SIPA1L1: variants seen among roughly 807,000 people sequenced by gnomAD.
SIPA1L1 encodes signal induced proliferation associated 1 like 1.
A neutral mutation model predicts 162.7 loss-of-function variants in SIPA1L1; 26 were observed. The ratio of observed to expected loss-of-function variants is 0.16; its 90% CI spans 0.12 to 0.22. SIPA1L1 has a LOEUF of 0.22. Among genes scored for constraint, SIPA1L1 ranks in the 10% least tolerant of loss-of-function variants. The pLI is 1.00. For missense variants in SIPA1L1, 1,874 were observed against 2,241.0 expected, an observed-to-expected ratio of 0.84 and a Z score of 3.31; for synonymous variants, 829 against 837.4, an observed-to-expected ratio of 0.99 and a Z score of 0.17.
At chr14:71,482,568 GA>G (rs2048432230) in intron 2 of SIPA1L1, among the ~76,000 whole-genome samples, 2 of 152,174 alleles carry the variant, frequency 1.3e-5, no homozygotes, top group African/African-American at 4.8e-5. Flanking sequence ...AAAGTGTGTG[GA>G]AACGCGCCTC....
intron 2 of SIPA1L1, among the ~76,000 whole-genome samples, chr14:71,357,943 G>A (rs1027747994): frequency 2.6e-5 from 4 of 152,160 alleles, no homozygotes; most frequent in African/African-American, 7.2e-5. Context: ...CATTGGCCAG[G>A]TTGGTCTCGA....
At chr14:71,432,454 G>A (rs1208016128) in intron 2 of SIPA1L1, among the ~76,000 whole-genome samples, 1 of 152,128 alleles carries the variant, frequency 6.6e-6, no homozygotes, top group African/African-American at 2.4e-5. Flanking sequence ...CTAGAATGGG[G>A]GCCTAACAAC....
At chr14:71,606,985 A>G (rs1359657982) in intron 5 of SIPA1L1, among the ~76,000 whole-genome samples, 1 of 152,034 alleles carries the variant, frequency 6.6e-6, no homozygotes, top group Non-Finnish European at 1.5e-5. Flanking sequence ...AAACACAGGA[A>G]CCATAGAAGA....
At chr14:71,590,286 C>T (rs144627986) in intron 5 of SIPA1L1, among the ~76,000 whole-genome samples, 2 of 151,954 alleles carry the variant, frequency 1.3e-5, no homozygotes, top group South Asian at 2.1e-4. Context: ...GATGCTTACC[C>T]ACGAAGGACA....
At chr14:71,456,964 T>G (rs937022990) in intron 2 of SIPA1L1, among the ~76,000 whole-genome samples, 4 of 152,250 alleles carry the variant, frequency 2.6e-5, no homozygotes, top group Admixed American at 6.5e-5. Flanking sequence ...TTTTTAAAAT[T>G]GAGGACAAGG....
At chr14:71,413,416 G>A (rs773923212) in intron 2 of SIPA1L1, among the ~76,000 whole-genome samples, 3 of 152,182 alleles carry the variant, frequency 2.0e-5, no homozygotes, top group Non-Finnish European at 4.4e-5. Context: ...AAGTGGGAAT[G>A]GCTGTTGGTT....
At chr14:71,457,164 A>G (rs565081016) in intron 2 of SIPA1L1, among the ~76,000 whole-genome samples, 1 of 152,198 alleles carries the variant, frequency 6.6e-6, no homozygotes, top group African/African-American at 2.4e-5. Context: ...GCCTTCTTCA[A>G]ATAGTCTTCT....
At chr14:71,415,914 T>C (rs2042726991) in intron 2 of SIPA1L1, 1 of 152,286 alleles carries the variant, frequency 6.6e-6, no homozygotes, top group African/African-American at 2.4e-5. Context: ...GCTAGGCTTG[T>C]CTTGAGCTCT....
At position 71,733,597 on chromosome 14, in the gene SIPA1L1, A is replaced by G. The variant is rs1036860408; in HGVS notation, c.4862-69A>G. On this transcript the variant is annotated intron_variant, in intron 20 of 23. Transcript: ENST00000381232. ...GCTTACAATCTATTGTGGTAACAGGAAAGAGGTAAGTTTTGAGTGGCTCTT... is the reference window on the plus strand; with the variant it reads ...GCTTACAATCTATTGTGGTAACAGGGAAGAGGTAAGTTTTGAGTGGCTCTT... 4.7e-6 allele frequency: 7 copies of G among 1,486,712 alleles called. No homozygotes were observed. The South Asian group carries it at 7.3e-5, about 15-fold the overall frequency. The allele number at this position is 1,486,712 out of a possible 1,614,324, so 92.1% of individuals were successfully genotyped here.
intron 7 of SIPA1L1, among the ~76,000 whole-genome samples, chr14:71,624,588 A>G (rs2039782368): frequency 6.6e-6 from 1 of 152,238 alleles, no homozygotes; most frequent in Admixed American, 6.5e-5. Flanking sequence ...GTAATTAATA[A>G]TAATGAGCAT....
chr14:71,676,928 A>C (rs928548060), intron 12 of SIPA1L1, among the ~76,000 whole-genome samples: 5 of 152,190 alleles, frequency 3.3e-5, no homozygotes, highest in Non-Finnish European at 7.3e-5. Context: ...TAGTGCCGCA[A>C]TAAACATATG....
At chr14:71,475,924 G>T (rs2047811474) in intron 2 of SIPA1L1, among the ~76,000 whole-genome samples, 1 of 152,188 alleles carries the variant, frequency 6.6e-6, no homozygotes, top group Non-Finnish European at 1.5e-5. Flanking sequence ...TTTGAACCAA[G>T]GCTGGATCAT....
intron 19 of SIPA1L1, among the ~76,000 whole-genome samples, chr14:71,726,888 C>T (rs531017773): frequency 1.3e-5 from 2 of 152,146 alleles, no homozygotes; most frequent in Non-Finnish European, 2.9e-5. Flanking sequence ...TTCCAGGCCA[C>T]TCCTGGCTCA....
chr14:71,695,818 A>G (rs1302235448), intron 13 of SIPA1L1, among the ~76,000 whole-genome samples: 1 of 152,216 alleles, frequency 6.6e-6, no homozygotes. Context: ...TTAGGTGTGT[A>G]TAAGAGCCAA....
At chr14:71,331,628 T>C (rs78988870) in intron 2 of SIPA1L1, among the ~76,000 whole-genome samples, 1 of 152,242 alleles carries the variant, frequency 6.6e-6, no homozygotes, top group East Asian at 1.9e-4. Flanking sequence ...TGGGTATTCA[T>C]ACCCAACACT....
rs2085125593 is a variant in SIPA1L1, at chr14:71,734,720, TGTTG to T, written c.5009-553_5009-550del. Reference sequence around the variant, plus strand: ...CCAGTTCTAACTTGATTTTTCAGTGTGTTGGTTAATCTCCTTCATATACAAATGG... The same window carrying T: ...CCAGTTCTAACTTGATTTTTCAGTGTGTTAATCTCCTTCATATACAAATGG... On this transcript the variant is annotated intron_variant, in intron 21 of 23. Coordinates refer to ENST00000381232, the MANE Select transcript of SIPA1L1 (RefSeq NM_001386936.1). Among the ~76,000 whole-genome samples the T allele has an allele frequency of 3.3e-5, 5 of 152,192 alleles. 1 individual carries two copies. The South Asian group carries it at 1.0e-3, about 32-fold the overall frequency.
chr14:71,431,491 G>A (rs1446782826), intron 2 of SIPA1L1, among the ~76,000 whole-genome samples: 1 of 151,810 alleles, frequency 6.6e-6, no homozygotes, highest in Non-Finnish European at 1.5e-5. Flanking sequence ...CCAGGAGTTC[G>A]AGACCAGCCT....
At chr14:71,374,506 T>C (rs2039191031) in intron 2 of SIPA1L1, among the ~76,000 whole-genome samples, 1 of 151,844 alleles carries the variant, frequency 6.6e-6, no homozygotes, top group Non-Finnish European at 1.5e-5. Context: ...AAACTGACAG[T>C]GTGGTATGAA....
At chr14:71,363,030 C>T (rs905427426) in intron 2 of SIPA1L1, among the ~76,000 whole-genome samples, 9 of 152,182 alleles carry the variant, frequency 5.9e-5, no homozygotes, top group Non-Finnish European at 8.8e-5. Context: ...TGCACACACA[C>T]GCACACTCAC....
Sources: gnomAD v4.1 joint callset for allele counts (sites outside exome capture counted in the v4.1 genomes callset) on GRCh38, gnomAD v4.1.1 for gene constraint, MANE v1.5 for transcripts, NCBI Gene and HGNC (gene_info 2026-07-23, HGNC 2026-07-21) for gene names.